QKI: variants seen among roughly 807,000 people sequenced by gnomAD.
QKI encodes QKI, KH domain containing RNA binding, also known as KH domain-containing RNA-binding protein QKI.
A neutral mutation model predicts 39.0 loss-of-function variants in QKI; 10 were observed. The observed-to-expected ratio is 0.26, with a 90% confidence interval of 0.16 to 0.43. The LOEUF is 0.43. QKI is among the 20% of genes least tolerant of loss of function. The probability of loss-of-function intolerance (pLI) is 1.00; values close to 1 mark genes in which losing one functional copy is unlikely to be tolerated. For missense variants in QKI, 218 were observed against 428.0 expected (o/e 0.51, Z 4.33); for synonymous variants, 204 against 155.4 (o/e 1.31, Z -2.33).
In QKI at chr6:163,415,322, G is replaced by C; in HGVS notation, c.129G>C (p.Arg43=). ...GCGGGATCTTCAACCACCTCGAGCG[G>C]CTGCTGGACGAAGGTGAGCGTCTCC... The part of the protein sequence containing the change: ...NFCGIFNHLE[R]LLDEEISRVR... Residue 43 remains arginine, a synonymous_variant, in exon 1 of 8, where the codon CGG becomes CGC. Coordinates refer to ENST00000361752, the MANE Select transcript of QKI (RefSeq NM_006775.3). The C allele has an allele frequency of 1.9e-6, 3 of 1,590,470 alleles. No homozygotes were observed. Among genetic ancestry groups the C allele is most frequent in the Middle Eastern group, 1.7e-4 (1 of 5,956 alleles).
chr6:163,540,285 T>C (rs1002081810), intron 4 of QKI, among the ~76,000 whole-genome samples: 1 of 152,132 alleles, frequency 6.6e-6, no homozygotes, highest in African/African-American at 2.4e-5. Flanking sequence ...TAATATAAAC[T>C]TTCATAAGGA....
In QKI at chr6:163,563,405, C is replaced by T; in HGVS notation, c.635-15C>T. 1 of 1,567,996 alleles carries T rather than the reference C, an allele frequency of 6.4e-7. No homozygotes were observed. The highest frequency in any genetic ancestry group is 2.3e-5 in the East Asian group (1 of 44,286). On this transcript the variant is annotated splice_polypyrimidine_tract_variant and intron_variant, in intron 5 of 7. Coordinates refer to ENST00000361752, the MANE Select transcript of QKI (RefSeq NM_006775.3). Reference sequence around the variant, plus strand: ...TGTCTCTATACTTCTTTCTAAATTTCTTTGCTTACTGTAGCAGCCCTTGCC... The same window carrying T: ...TGTCTCTATACTTCTTTCTAAATTTTTTTGCTTACTGTAGCAGCCCTTGCC...
intron 2 of QKI, among the ~76,000 whole-genome samples, chr6:163,466,469 A>G (rs1284144260): frequency 2.0e-5 from 3 of 152,324 alleles, no homozygotes; most frequent in East Asian, 1.9e-4. Context: ...AGCTGAAGAC[A>G]TTGCAGTTCC....
chr6:163,535,146 C>T, intron 4 of QKI, 21 bp downstream of exon 4: 1 of 1,551,548 alleles, frequency 6.4e-7, no homozygotes. Context: ...ATTTCCAGAC[C>T]TTAGATTTGG....
chr6:163,548,408 C>A (rs1374922180), intron 4 of QKI, among the ~76,000 whole-genome samples: 1 of 152,162 alleles, frequency 6.6e-6, no homozygotes, highest in Non-Finnish European at 1.5e-5. Flanking sequence ...GTCACTTACC[C>A]CTTTTTGCCT....
intron 1 of QKI, among the ~76,000 whole-genome samples, chr6:163,452,478 T>A (rs1253911448): frequency 6.6e-6 from 1 of 152,212 alleles, no homozygotes; most frequent in African/African-American, 2.4e-5. Flanking sequence ...TGTTTAACTT[T>A]AATGCTCCAG....
Position 163,415,160 on chromosome 6 carries a change from GGC to G in QKI, c.-32_-31del. On this transcript the variant is annotated 5_prime_UTR_variant, in exon 1 of 8. Coordinates refer to ENST00000361752, the MANE Select transcript of QKI (RefSeq NM_006775.3). ...CCTCCTCTCCGGCGGCGGCGGCGGC[GGC>G]GGCGGGCGGAGTGAGCTGCGGAGCC... is the stretch of plus-strand genomic sequence containing the variant. 3.5e-6 allele frequency: 5 copies of G among 1,416,574 alleles called. No homozygotes were observed. Among genetic ancestry groups the G allele is most frequent in the South Asian group, 2.7e-5 (2 of 74,664 alleles). 87.8% of individuals were successfully genotyped at this position (1,416,574 alleles called of 1,614,324 possible).
At chr6:163,566,614 T>C in intron 6 of QKI, 107 bp from the exon 7 acceptor site, 1 of 1,544,120 alleles carries the variant, frequency 6.5e-7, no homozygotes, top group Non-Finnish European at 8.7e-7. Flanking sequence ...CTTAAACTTT[T>C]GTAGTAAATG....
At chr6:163,419,124 A>G (rs1787783594) in intron 1 of QKI, among the ~76,000 whole-genome samples, 1 of 152,264 alleles carries the variant, frequency 6.6e-6, no homozygotes, top group South Asian at 2.1e-4. Flanking sequence ...TTGTGTTTAC[A>G]GTAAACTTTC....
At chr6:163,487,696 T>G (rs1180759825) in intron 3 of QKI, among the ~76,000 whole-genome samples, 1 of 152,168 alleles carries the variant, frequency 6.6e-6, no homozygotes, top group Non-Finnish European at 1.5e-5. Flanking sequence ...TTTATCTCTG[T>G]TCCCCATATT....
At chr6:163,494,447 A>G (rs570686500) in intron 3 of QKI, among the ~76,000 whole-genome samples, 84 of 152,320 alleles carry the variant, frequency 5.5e-4, no homozygotes, top group Admixed American at 1.4e-3. Flanking sequence ...ACTTGCTGAA[A>G]CTTATGTGTA....
chr6:163,530,205 T>A (rs1319641751), intron 3 of QKI, among the ~76,000 whole-genome samples: 1 of 152,172 alleles, frequency 6.6e-6, no homozygotes, highest in East Asian at 1.9e-4. Context: ...AACATAATTG[T>A]AAAAAGAAAC....
chr6:163,541,303 T>C (rs1483428886), intron 4 of QKI, among the ~76,000 whole-genome samples: 3 of 152,114 alleles, frequency 2.0e-5, no homozygotes, highest in Non-Finnish European at 2.9e-5. Flanking sequence ...TAATTTGTTA[T>C]GCTCAGTATG....
chr6:163,555,630 C>CA (rs56164201), intron 4 of QKI, among the ~76,000 whole-genome samples: 2 of 152,260 alleles, frequency 1.3e-5, no homozygotes, highest in African/African-American at 2.4e-5. Flanking sequence ...CAGGTCTACT[C>CA]GGGGATTGTG....
intron 3 of QKI, among the ~76,000 whole-genome samples, chr6:163,525,794 G>C (rs1404563354): frequency 6.6e-6 from 1 of 152,222 alleles, no homozygotes; most frequent in Non-Finnish European, 1.5e-5. Flanking sequence ...AGTGTCATCT[G>C]AAGTCGGTTT....
At chr6:163,521,785 T>A (rs1321375488) in intron 3 of QKI, among the ~76,000 whole-genome samples, 1 of 152,170 alleles carries the variant, frequency 6.6e-6, no homozygotes, top group Non-Finnish European at 1.5e-5. Flanking sequence ...CCTCCCAAAG[T>A]GCTGGGATTA....
intron 4 of QKI, among the ~76,000 whole-genome samples, chr6:163,542,145 A>G (rs1163190891): frequency 1.3e-5 from 2 of 152,002 alleles, no homozygotes; most frequent in East Asian, 3.8e-4. Context: ...CCAAAAAATG[A>G]AATTATATAA....
chr6:163,514,519 GA>G (rs1433274499), intron 3 of QKI, among the ~76,000 whole-genome samples: 1 of 152,084 alleles, frequency 6.6e-6, no homozygotes, highest in Non-Finnish European at 1.5e-5. Context: ...AGTTCTAAAA[GA>G]AAAATGGAGG....
chr6:163,442,307 T>A, intron 1 of QKI, among the ~76,000 whole-genome samples: 1 of 152,332 alleles, frequency 6.6e-6, no homozygotes, highest in African/African-American at 2.4e-5. Flanking sequence ...AAAAAATAAT[T>A]TAAACATTTT....
Sources: allele counts gnomAD v4.1 joint callset (sites outside exome capture counted in the v4.1 genomes callset), GRCh38; gene constraint gnomAD v4.1.1; transcripts MANE v1.5; gene names NCBI Gene and HGNC (gene_info 2026-07-23, HGNC 2026-07-21).